UNC5A: variants seen among roughly 807,000 people sequenced by gnomAD.
UNC5A encodes unc-5 netrin receptor A.
UNC5A carries 20 observed loss-of-function variants against 87.4 expected under a neutral mutation model. That is an observed-to-expected ratio of 0.23 (90% CI 0.16 to 0.33). The LOEUF (loss-of-function observed/expected upper bound fraction) is 0.33. Ranked by LOEUF, UNC5A falls within the 10% of genes least tolerant of loss-of-function variation. The pLI is 1.00. For synonymous variants in UNC5A, 438 were observed against 482.3 expected (o/e 0.91, Z 1.20); for missense variants, 844 against 1,133.4 (o/e 0.74, Z 3.67).
chr5:176,851,837 C>A (rs1180060513), intron 1 of UNC5A, among the ~76,000 whole-genome samples: 1 of 152,180 alleles, frequency 6.6e-6, no homozygotes, highest in Non-Finnish European at 1.5e-5. Flanking sequence ...CCTTATGGTG[C>A]GTGTGCCTGG....
At chr5:176,854,477 C>G (rs1046681246) in intron 1 of UNC5A, among the ~76,000 whole-genome samples, 2 of 152,230 alleles carry the variant, frequency 1.3e-5, no homozygotes, top group Non-Finnish European at 2.9e-5. Flanking sequence ...TCTGCAAGCC[C>G]GGCTGAGCCA....
chr5:176,849,941 C>A (rs1256251397), intron 1 of UNC5A, among the ~76,000 whole-genome samples: 1 of 152,190 alleles, frequency 6.6e-6, no homozygotes, highest in Non-Finnish European at 1.5e-5. Context: ...CACTGGCCCC[C>A]GACTTGCCAG....
chr5:176,849,887 G>C (rs565664429), intron 1 of UNC5A, among the ~76,000 whole-genome samples: 2 of 152,328 alleles, frequency 1.3e-5, no homozygotes, highest in South Asian at 4.1e-4. Flanking sequence ...GCCCACTCTT[G>C]GAGCTTGTGG....
Position 176,877,711 on chromosome 5 carries a change from G to A in UNC5A, c.1635+8G>A. The stretch of plus-strand genomic sequence containing the variant: ...TGCGAGGGCAGCTGGGAGGTGAGCA[G>A]GGAACTGACCCGGGCTCCAGAAGGG... On this transcript the variant is annotated splice_region_variant and intron_variant, in intron 10 of 14. Coordinates refer to ENST00000329542, the MANE Select transcript of UNC5A (RefSeq NM_133369.3). 1 of 1,592,194 alleles carries A rather than the reference G, an allele frequency of 6.3e-7. No homozygotes were observed. The highest frequency in any genetic ancestry group is 8.6e-7 in the Non-Finnish European group (1 of 1,167,142).
At chr5:176,842,059 C>T (rs559231273) in intron 1 of UNC5A, among the ~76,000 whole-genome samples, 71 of 152,242 alleles carry the variant, frequency 4.7e-4, no homozygotes, top group African/African-American at 1.5e-3. Context: ...TAGCCGGGCG[C>T]GGTGGCGGGT....
At chr5:176,842,736 T>A (rs1757305288) in intron 1 of UNC5A, among the ~76,000 whole-genome samples, 1 of 152,162 alleles carries the variant, frequency 6.6e-6, no homozygotes, top group East Asian at 1.9e-4. Flanking sequence ...GATAAAAGAC[T>A]ACAAATAGGG....
At chr5:176,858,165 TG>T (rs1757712440) in intron 1 of UNC5A, among the ~76,000 whole-genome samples, 1 of 152,182 alleles carries the variant, frequency 6.6e-6, no homozygotes, top group Non-Finnish European at 1.5e-5. Flanking sequence ...ATGCACAGTC[TG>T]GGGGTGGGGA....
chr5:176,870,345 T>A (rs372797708), intron 5 of UNC5A, 25 bp from the exon 6 acceptor site: 2 of 1,608,316 alleles, frequency 1.2e-6, no homozygotes, highest in Middle Eastern at 2.2e-4. Context: ...CCGCACCGTC[T>A]CCTCTCTGCT....
intron 1 of UNC5A, among the ~76,000 whole-genome samples, chr5:176,813,408 C>T (rs1010768880): frequency 3.3e-5 from 5 of 152,212 alleles, no homozygotes; most frequent in African/African-American, 4.8e-5. Flanking sequence ...ACCTAGGACT[C>T]GTCTGTCCAC....
At position 176,874,793 on chromosome 5, in the gene UNC5A, C is replaced by G. The variant is rs1424895054; in HGVS notation, c.1378+227C>G. Among the ~76,000 whole-genome samples, 8 of 152,214 alleles carry G rather than the reference C, an allele frequency of 5.3e-5. No homozygotes were observed. The highest frequency in any genetic ancestry group is 1.2e-4 in the Non-Finnish European group (8 of 68,044). On this transcript the variant is annotated intron_variant, in intron 8 of 14. Transcript: ENST00000329542. The surrounding 1 kb of genome is among the most constrained non-coding windows in gnomAD (Gnocchi z 7.6). ...GTAATTGTCCATTCATTTACACAGC[C>G]AAGCAGCCTACTTGTTCCAGTCTCC...
At position 176,877,517 on chromosome 5, in the gene UNC5A, C is replaced by A; in HGVS notation, c.1467-18C>A. The A allele has an allele frequency of 6.4e-7, 1 of 1,570,492 alleles. No individual in the cohort carries two copies. Among genetic ancestry groups the A allele is most frequent in the African/African-American group, 1.3e-5 (1 of 74,268 alleles). On this transcript the variant is annotated intron_variant, in intron 9 of 14. Transcript: ENST00000329542. ...CCACTGACACCTTTCCCTCCCCACC[C>A]ATATTTCCCCACTTGAGGTTGCCCC...
chr5:176,861,566 C>A (rs1757841106), intron 1 of UNC5A, among the ~76,000 whole-genome samples: 1 of 152,176 alleles, frequency 6.6e-6, no homozygotes, highest in Admixed American at 6.5e-5. Context: ...GGGCCCAGGC[C>A]TCCCAGTCTG....
At chr5:176,819,112 T>C (rs1383989436) in intron 1 of UNC5A, among the ~76,000 whole-genome samples, 2 of 149,684 alleles carry the variant, frequency 1.3e-5, no homozygotes, top group Non-Finnish European at 3.0e-5. Flanking sequence ...AAGACAGGGC[T>C]CCCACCTGGC....
At position 176,879,453 on chromosome 5, in the gene UNC5A, C is replaced by G; in HGVS notation, c.2328C>G (p.Asp776Glu). The change falls in exon 14 of 15, where the codon GAC (aspartate) becomes GAG (glutamate). Residue 776 changes from aspartate (D) to glutamate (E), a missense_variant. Around this residue, in one of 3 missense-constraint regions of UNC5A, gnomAD observed 177 missense variants for 279.4 expected, o/e 0.63. Transcript: ENST00000329542. ...ACCCACCCTGTAGGCGGGGTGCCGA[C>G]TGGCGGACTCTGGCCCAGAAACTCC... is the stretch of plus-strand genomic sequence containing the variant. ...SLDPPCRRGA[D>E]WRTLAQKLHL... 1 of 1,610,874 alleles carries G rather than the reference C, an allele frequency of 6.2e-7. No homozygotes were observed. Among genetic ancestry groups the G allele is most frequent in the Non-Finnish European group, 8.5e-7 (1 of 1,178,958 alleles).
At chr5:176,863,807 C>CTCCTCCTCCTCCCCCTCCTCCT (rs1554099349) in intron 2 of UNC5A, among the ~76,000 whole-genome samples, 1 of 6,638 alleles carries the variant, frequency 1.5e-4, no homozygotes, top group African/African-American at 3.9e-4. Context: ...TCCCTCCTTC[C>CTCCTCCTCCTCCCCCTCCTCCT]CCTCCTCCCC....
intron 1 of UNC5A, among the ~76,000 whole-genome samples, chr5:176,825,497 A>T (rs1461735577): frequency 1.3e-5 from 2 of 152,222 alleles, no homozygotes; most frequent in Non-Finnish European, 2.9e-5. Flanking sequence ...GTGTAGACAG[A>T]CAGGACACAG....
intron 6 of UNC5A, among the ~76,000 whole-genome samples, chr5:176,873,619 C>T (rs1181725439): frequency 6.6e-6 from 1 of 152,146 alleles, no homozygotes; most frequent in African/African-American, 2.4e-5. Context: ...CCCAAGCTGC[C>T]CTTGTCCCAG....
At chr5:176,876,096 A>C (rs1274200637) in intron 8 of UNC5A, among the ~76,000 whole-genome samples, 1 of 152,186 alleles carries the variant, frequency 6.6e-6, no homozygotes. Flanking sequence ...TGGGCTAAGA[A>C]CTTCATGAGA....
At chr5:176,819,178 A>G (rs945865038) in intron 1 of UNC5A, among the ~76,000 whole-genome samples, 8 of 151,884 alleles carry the variant, frequency 5.3e-5, no homozygotes, top group Non-Finnish European at 1.0e-4. Context: ...GCTCCTCATG[A>G]GCATTGCCCC....
Sources: gnomAD v4.1 joint callset for allele counts (sites outside exome capture counted in the v4.1 genomes callset) on GRCh38, gnomAD v4.1.1 for gene constraint, gnomAD v4.1.1 regional missense constraint, Gnocchi (gnomAD v3.1) non-coding constraint, MANE v1.5 for transcripts, NCBI Gene and HGNC (gene_info 2026-07-23, HGNC 2026-07-21) for gene names.